SMOX: variants seen among roughly 807,000 people sequenced by gnomAD.
The protein encoded by SMOX is spermine oxidase.
In SMOX, 22 loss-of-function variants were observed where a neutral mutation model predicts 51.0. The ratio of observed to expected loss-of-function variants is 0.43; its 90% CI spans 0.31 to 0.62. The LOEUF (loss-of-function observed/expected upper bound fraction) is 0.62, where lower values mean the gene tolerates loss of function less well. SMOX is among the 20% of genes least tolerant of loss of function. The pLI is 0.10. For synonymous variants in SMOX, 282 were observed against 307.8 expected (o/e 0.92, Z 0.88); for missense variants, 566 against 777.7 (o/e 0.73, Z 3.24).
In SMOX at chr20:4,172,593, TCCCGGCGTGGCCTCATC is replaced by T. The variant is rs1230480492; in HGVS notation, c.-26-2433_-26-2417del. On this transcript the variant is annotated intron_variant, in intron 1 of 6. Transcript: ENST00000305958. This position sits in a 1 kb window ranked among gnomAD's most constrained non-coding sequence, Gnocchi z 7.7. ...GAGGAAAGGGCCGGAGCCGCCCTGC[TCCCGGCGTGGCCTCATC>T]CCCAGCGAAAGCGCGACACCCGCTG... Among the ~76,000 whole-genome samples, 1 of 151,830 alleles carries T rather than the reference TCCCGGCGTGGCCTCATC, an allele frequency of 6.6e-6. No homozygotes were observed. The highest frequency in any genetic ancestry group is 2.4e-5 in the African/African-American group (1 of 41,290).
chr20:4,182,235 C>T lies in SMOX; in HGVS notation c.756C>T (p.Ala252=). 1 of 1,613,698 alleles carries T rather than the reference C, an allele frequency of 6.2e-7. No homozygotes were observed. Among genetic ancestry groups the T allele is most frequent in the African/African-American group, 1.3e-5 (1 of 75,030 alleles). Residue 252 remains alanine, a synonymous_variant, in exon 5 of 7, where the codon GCC becomes GCT. Transcript: ENST00000305958. This position sits in a 1 kb window ranked among gnomAD's most constrained non-coding sequence, Gnocchi z 8.4. ...AGCTGCTGGCGGAGGGCATCCCTGC[C>T]CACGTCATCCAGCTAGGGAAACCTG... ...VVELLAEGIP[A]HVIQLGKPVR...
chr20:4,176,869 G>A (rs1978896908), intron 2 of SMOX, among the ~76,000 whole-genome samples: 2 of 152,316 alleles, frequency 1.3e-5, no homozygotes, highest in South Asian at 4.1e-4. Flanking sequence ...AAACTGGGAT[G>A]TTTGGACTTC....
chr20:4,176,726 A>G (rs976412103), intron 2 of SMOX, among the ~76,000 whole-genome samples: 7 of 152,170 alleles, frequency 4.6e-5, no homozygotes, highest in Admixed American at 1.3e-4. Flanking sequence ...TTCCCAGGCC[A>G]TCCCAACTTG....
chr20:4,158,645 A>G (rs557823917), intron 1 of SMOX, among the ~76,000 whole-genome samples: 1 of 152,298 alleles, frequency 6.6e-6, no homozygotes, highest in Non-Finnish European at 1.5e-5. Context: ...CCTGGCAGAC[A>G]CATGGGTCCT....
chr20:4,152,607 AGACCT>A (rs967566814), intron 1 of SMOX, among the ~76,000 whole-genome samples: 1 of 151,832 alleles, frequency 6.6e-6, no homozygotes, highest in African/African-American at 2.4e-5. Flanking sequence ...TGCCTAGGAA[AGACCT>A]TGAGCTGGGA....
rs535888232 is a variant in SMOX at position 4,171,291 on chromosome 20, C to T, written c.-26-3739C>T. 2.0e-5 allele frequency among the ~76,000 whole-genome samples: 3 copies of T among 152,256 alleles called. No individual in the cohort carries two copies. In the South Asian group the frequency reaches 6.2e-4, roughly 32 times the overall value. On this transcript the variant is annotated intron_variant, in intron 1 of 6. Transcript: ENST00000305958. ...TCTCATACATTAAAACAAAACAAAA[C>T]AAAACCCAGAAGGGAAAGGAAACGA...
chr20:4,173,398 T>C (rs57478662), intron 1 of SMOX, among the ~76,000 whole-genome samples: 2,147 of 152,314 alleles, frequency 0.014, 35 homozygotes, highest in African/African-American at 0.049. Context: ...TGTCAGTACT[T>C]GGGTTCTGTC....
At position 4,177,416 on chromosome 20, in the gene SMOX, C is replaced by G. The variant is rs756632480; in HGVS notation, c.274C>G (p.Leu92Val). ...CTCCCATGGGAACCCTATCTATCAT[C>G]TAGCAGAAGCCAACGGCCTCCTGGA... Reference protein sequence around the residue: ...HGSHGNPIYHLAEANGLLEET... With the variant: ...HGSHGNPIYHVAEANGLLEET... Residue 92 changes from leucine (L) to valine (V), a missense_variant, in exon 3 of 7, where the codon CTA (leucine) becomes GTA (valine). Physicochemically the swap from Leu to Val is conservative, Grantham distance 32. Around this residue, in one of 3 missense-constraint regions of SMOX, gnomAD observed 217 missense variants for 278.4 expected, o/e 0.78. Transcript: ENST00000305958. The surrounding 1 kb of genome is among the most constrained non-coding windows in gnomAD (Gnocchi z 4.3). 7 of 1,559,266 alleles carry G rather than the reference C, an allele frequency of 4.5e-6. No individual in the cohort carries two copies. In the South Asian group the frequency reaches 8.3e-5, roughly 18 times the overall value.
Position 4,183,300 on chromosome 20 carries a change from C to A in SMOX, c.1370-194C>A. On this transcript the variant is annotated intron_variant, in intron 5 of 6. Transcript: ENST00000305958. This position sits in a 1 kb window ranked among gnomAD's most constrained non-coding sequence, Gnocchi z 4.3. ...AGGTGGAGCGTTTTGCCGGGGGTCA[C>A]AGGAGGCGCTGAGTGGGTACACAGC... 2 of 702,848 alleles carry A rather than the reference C, an allele frequency of 2.8e-6. No individual in the cohort carries two copies. The highest frequency in any genetic ancestry group is 3.6e-5 in the South Asian group (2 of 55,198). The allele number at this position is 702,848 out of a possible 1,614,324, so 43.5% of individuals were successfully genotyped here.
intron 1 of SMOX, among the ~76,000 whole-genome samples, chr20:4,165,342 C>T (rs979354066): frequency 6.6e-6 from 1 of 152,168 alleles, no homozygotes; most frequent in African/African-American, 2.4e-5. Context: ...GCCTGAGCCA[C>T]CGCACCCGGC....
At position 4,166,722 on chromosome 20, in the gene SMOX, G is replaced by T. The variant is rs1194516277; in HGVS notation, c.-26-8308G>T. 6.6e-6 allele frequency among the ~76,000 whole-genome samples: 1 copy of T among 152,200 alleles called. No homozygotes were observed. Among genetic ancestry groups the T allele is most frequent in the Non-Finnish European group, 1.5e-5 (1 of 68,036 alleles). ...CCCAGAGTGCTCACCTCTCCCGGGG[G>T]CCTCCCGCTCTTGCCTCCCAGTGCC... On this transcript the variant is annotated intron_variant, in intron 1 of 6. Coordinates refer to ENST00000305958, the MANE Select transcript of SMOX (RefSeq NM_175839.3). The surrounding 1 kb of genome is among the most constrained non-coding windows in gnomAD (Gnocchi z 4.2).
chr20:4,149,764 C>A lies in SMOX; in HGVS notation c.-27+787C>A, dbSNP rs1031450471. Among the ~76,000 whole-genome samples the A allele has an allele frequency of 1.3e-5, 2 of 152,154 alleles. No individual in the cohort carries two copies. Among genetic ancestry groups the A allele is most frequent in the Non-Finnish European group, 2.9e-5 (2 of 68,026 alleles). On this transcript the variant is annotated intron_variant, in intron 1 of 6. Transcript: ENST00000305958. The surrounding 1 kb of genome is among the most constrained non-coding windows in gnomAD (Gnocchi z 6.0). ...GATGAGATACGCTCGGTGCCCGGCA[C>A]GTATAGTGAGAGGTGCCCACAGGTT...
intron 1 of SMOX, among the ~76,000 whole-genome samples, chr20:4,152,366 C>G (rs1469348614): frequency 1.3e-5 from 2 of 152,088 alleles, no homozygotes; most frequent in Non-Finnish European, 2.9e-5. Flanking sequence ...CTCTCTATCT[C>G]TAGACTCTTG....
chr20:4,178,333 G>T (rs13040752), intron 3 of SMOX, among the ~76,000 whole-genome samples: 53 of 151,946 alleles, frequency 3.5e-4, no homozygotes, highest in Admixed American at 5.9e-4. Context: ...CACTGCACCC[G>T]GCCTAATTTC....
Position 4,150,862 on chromosome 20 carries a change from G to A in SMOX, c.-27+1885G>A, listed in dbSNP as rs377173776. 1.5e-3 allele frequency among the ~76,000 whole-genome samples: 181 copies of A among 119,794 alleles called. 1 individual carries two copies. Among genetic ancestry groups the A allele is most frequent in the African/African-American group, 5.7e-3 (174 of 30,708 alleles). 78.6% of individuals were successfully genotyped at this position (119,794 alleles called of 152,430 possible). A position where few individuals can be genotyped will look rare whatever the true frequency, so the allele number is the denominator to read the frequency against. On this transcript the variant is annotated intron_variant, in intron 1 of 6. Transcript: ENST00000305958. ...TTTTTTTTCTTTGAGACGGAGTTTC[G>A]CTCTTTTCGCCCAGGCTGGAGTGCA...
At chr20:4,173,807 C>G (rs184056338) in intron 1 of SMOX, among the ~76,000 whole-genome samples, 19 of 152,374 alleles carry the variant, frequency 1.2e-4, no homozygotes, top group African/African-American at 2.4e-4. Flanking sequence ...ACAGGGACAG[C>G]ATCTGAGCTG....
At chr20:4,185,089 T>C (rs553077833) in intron 6 of SMOX, among the ~76,000 whole-genome samples, 1 of 152,328 alleles carries the variant, frequency 6.6e-6, no homozygotes, top group South Asian at 2.1e-4. Flanking sequence ...GGCCAGAACA[T>C]AGACACATGA....
At chr20:4,162,309 G>A (rs772395502) in intron 1 of SMOX, among the ~76,000 whole-genome samples, 4 of 152,256 alleles carry the variant, frequency 2.6e-5, no homozygotes, top group Non-Finnish European at 4.4e-5. Flanking sequence ...AGGAAGCTCA[G>A]GAGAGTGCAT....
chr20:4,155,119 C>T (rs1985948475), intron 1 of SMOX, among the ~76,000 whole-genome samples: 1 of 152,158 alleles, frequency 6.6e-6, no homozygotes, highest in South Asian at 2.1e-4. Flanking sequence ...ACAGCCGAGC[C>T]TGGCACTGTG....
Sources: gnomAD v4.1 joint callset for allele counts (sites outside exome capture counted in the v4.1 genomes callset) on GRCh38, gnomAD v4.1.1 for gene constraint, gnomAD v4.1.1 regional missense constraint, Gnocchi (gnomAD v3.1) non-coding constraint, MANE v1.5 for transcripts, NCBI Gene and HGNC (gene_info 2026-07-23, HGNC 2026-07-21) for gene names.